SIPA1L2: variants seen among roughly 807,000 people sequenced by gnomAD.
SIPA1L2 encodes signal-induced proliferation-associated 1-like protein 2.
In SIPA1L2, 56 loss-of-function variants were observed where a neutral mutation model predicts 163.9. The observed-to-expected ratio is 0.34, with a 90% CI of 0.28 to 0.43. SIPA1L2 has a LOEUF of 0.43. Among genes scored for constraint, SIPA1L2 ranks in the 20% least tolerant of loss-of-function variants. The probability of loss-of-function intolerance (pLI) is 1.00; values close to 1 mark genes in which losing one functional copy is unlikely to be tolerated. For synonymous variants in SIPA1L2, 877 were observed against 865.7 expected, an observed-to-expected ratio of 1.01 and a Z score of -0.23; for missense variants, 1,974 against 2,193.5, an observed-to-expected ratio of 0.90 and a Z score of 2.00.
rs1558199005 is a variant in SIPA1L2 at position 232,465,533 on chromosome 1, CAT to C, written c.2244-119_2244-118del. On this transcript the variant is annotated intron_variant, in intron 8 of 22. Coordinates refer to ENST00000674635, the MANE Select transcript of SIPA1L2 (RefSeq NM_020808.5). This position sits in a 1 kb window ranked among gnomAD's most constrained non-coding sequence, Gnocchi z 4.1. ...ACATATACATACACACACACACACA[CAT>C]ATACATACACACATACACACACACT... 3.4e-5 allele frequency: 27 copies of C among 799,704 alleles called. No homozygotes were observed. The highest frequency in any genetic ancestry group is 9.0e-5 in the Admixed American group (3 of 33,298). 49.5% of individuals were successfully genotyped at this position (799,704 alleles called of 1,614,324 possible). A position where few individuals can be genotyped will look rare whatever the true frequency, so the allele number is the denominator to read the frequency against.
At chr1:232,425,476 TA>T in intron 18 of SIPA1L2, 112 bp downstream of exon 18, 2 of 761,580 alleles carry the variant, frequency 2.6e-6, no homozygotes, top group Non-Finnish European at 3.8e-6. Flanking sequence ...ATATATTTAA[TA>T]AAAACAAAAA....
intron 2 of SIPA1L2, among the ~76,000 whole-genome samples, chr1:232,528,102 A>ATATATATATATATATATATCTATC (rs34779799): frequency 4.2e-5 from 5 of 118,536 alleles, no homozygotes; most frequent in African/African-American, 1.7e-4. Flanking sequence ...ATATATATAT[A>ATATATATATATATATATATCTATC]ATCAACTTTC....
At chr1:232,467,330 A>G (rs546950615) in intron 8 of SIPA1L2, among the ~76,000 whole-genome samples, 1 of 152,278 alleles carries the variant, frequency 6.6e-6, no homozygotes, top group East Asian at 1.9e-4. Flanking sequence ...TGGGAACTTG[A>G]CTTACGGGCT....
At chr1:232,426,059 C>T (rs970836719) in intron 17 of SIPA1L2, among the ~76,000 whole-genome samples, 1 of 152,188 alleles carries the variant, frequency 6.6e-6, no homozygotes, top group African/African-American at 2.4e-5. Flanking sequence ...TAGACATGCA[C>T]AGCTTTATTA....
intron 2 of SIPA1L2, among the ~76,000 whole-genome samples, chr1:232,532,217 T>A (rs762855687): frequency 6.6e-6 from 1 of 152,114 alleles, no homozygotes; most frequent in Non-Finnish European, 1.5e-5. Flanking sequence ...GGTGGGAGGA[T>A]TGAACTGGCA....
chr1:232,504,462 T>C (rs1470731488), intron 3 of SIPA1L2, among the ~76,000 whole-genome samples: 1 of 149,562 alleles, frequency 6.7e-6, no homozygotes, highest in East Asian at 2.0e-4. Context: ...TGCATGAACC[T>C]GGGAGGTTGA....
At position 232,515,070 on chromosome 1, in the gene SIPA1L2, G is replaced by C. The variant is rs1667161585; in HGVS notation, c.270C>G (p.Ser90=). The part of the protein sequence containing the change: ...VSEWPPKKDC[S]KELTCKALWE... ...ACAGTGCCTTGCATGTTAGCTCCTTGGAACAGTCCTTTTTAGGAGGCCATT... is the reference window on the plus strand; with the variant it reads ...ACAGTGCCTTGCATGTTAGCTCCTTCGAACAGTCCTTTTTAGGAGGCCATT... The change falls in exon 3 of 23, where the codon TCC becomes TCG. Residue 90 remains serine (S), a synonymous_variant. Coordinates refer to ENST00000674635, the MANE Select transcript of SIPA1L2 (RefSeq NM_020808.5). The C allele has an allele frequency of 1.2e-6, 2 of 1,614,092 alleles. No individual in the cohort carries two copies. Among genetic ancestry groups the C allele is most frequent in the African/African-American group, 2.7e-5 (2 of 75,014 alleles).
chr1:232,445,501 C>G (rs1409369), intron 11 of SIPA1L2, 28 bp downstream of exon 11: 447,758 of 1,611,974 alleles, frequency 0.28, 68,194 homozygotes, highest in East Asian at 0.57. Context: ...TACAAGGGCC[C>G]CCCTTGAGGA....
intron 2 of SIPA1L2, among the ~76,000 whole-genome samples, chr1:232,528,170 T>C (rs1318763561): frequency 2.0e-5 from 3 of 150,666 alleles, no homozygotes; most frequent in African/African-American, 7.4e-5. Flanking sequence ...AAAATGTTAG[T>C]ATTAACATAA....
intron 5 of SIPA1L2, among the ~76,000 whole-genome samples, chr1:232,488,016 C>T (rs747164524): frequency 2.6e-5 from 4 of 151,832 alleles, no homozygotes; most frequent in Admixed American, 2.0e-4. Context: ...TGCAGTGGTG[C>T]GATCTTGGCT....
intron 2 of SIPA1L2, among the ~76,000 whole-genome samples, chr1:232,516,305 T>C (rs891896793): frequency 6.6e-6 from 1 of 152,238 alleles, no homozygotes; most frequent in Non-Finnish European, 1.5e-5. Context: ...AGTAGTGAGA[T>C]ACTGGGTAAG....
chr1:232,451,582 G>C (rs147548042), intron 10 of SIPA1L2, among the ~76,000 whole-genome samples: 1 of 152,172 alleles, frequency 6.6e-6, no homozygotes, highest in Middle Eastern at 3.2e-3. Context: ...TTAAAGAAAA[G>C]ACTTTTGCTT....
chr1:232,513,868 A>G lies in SIPA1L2; in HGVS notation c.1472T>C (p.Phe491Ser), dbSNP rs780260699. The G allele has an allele frequency of 6.4e-7, 1 of 1,568,996 alleles. No individual in the cohort carries two copies. The highest frequency in any genetic ancestry group is 2.2e-5 in the East Asian group (1 of 44,536). ...TGGCTCTTCCTTACCTTTCCCATAG[A>G]AGAATTTGCGGTAATAATAGGCCCC... ...DLGAYYYRKF[F>S]YGKEHQNYFG... The change falls in exon 3 of 23, where the codon TTC becomes TCC. Residue 491 changes from phenylalanine to serine, a missense_variant. Phe to Ser is a radical substitution (Grantham distance 155). Transcript: ENST00000674635.
At chr1:232,496,560 C>CAA (rs71162247) in intron 3 of SIPA1L2, among the ~76,000 whole-genome samples, 1,443 of 105,346 alleles carry the variant, frequency 0.014, 31 homozygotes, top group African/African-American at 0.044. Flanking sequence ...CAGAAGCAGG[C>CAA]AAAAAAAAAA....
At position 232,572,766 on chromosome 1, in the gene SIPA1L2, TATATATA is replaced by T. The variant is rs1558277803; in HGVS notation, c.-270+1401_-270+1407del. On this transcript the variant is annotated intron_variant, in intron 2 of 22. Transcript: ENST00000674635. ...ATATATATATATATATATATATATA[TATATATA>T]TATATATTTATTTATTTATTTTTTC... is the stretch of plus-strand genomic sequence containing the variant. Among the ~76,000 whole-genome samples, 60 of 119,674 alleles carry T rather than the reference TATATATA, an allele frequency of 5.0e-4. No homozygotes were observed. In the East Asian group the frequency reaches 0.01, roughly 20 times the overall value. The allele number at this position is 119,674 out of a possible 152,430, so 78.5% of individuals were successfully genotyped here.
chr1:232,400,390 G>T (rs560967384), intron 22 of SIPA1L2, among the ~76,000 whole-genome samples: 1 of 152,130 alleles, frequency 6.6e-6, no homozygotes, highest in South Asian at 2.1e-4. Context: ...CTGCCAAGAA[G>T]ACCTTGTGCA....
intron 2 of SIPA1L2, among the ~76,000 whole-genome samples, chr1:232,524,330 A>G (rs1056158889): frequency 6.6e-6 from 1 of 152,172 alleles, no homozygotes; most frequent in Non-Finnish European, 1.5e-5. Flanking sequence ...GCAAGTTACA[A>G]AAGTCCATGA....
chr1:232,471,730 A>AAGTTTAT (rs1664811655), intron 7 of SIPA1L2, among the ~76,000 whole-genome samples: 1 of 152,162 alleles, frequency 6.6e-6, no homozygotes. Context: ...CTAAATATTT[A>AAGTTTAT]AGTTTATCTC....
rs1665897953 is a variant in SIPA1L2 at position 232,490,940 on chromosome 1, C to T, written c.1740G>A (p.Gln580=). Residue 580 remains glutamine, a synonymous_variant, in exon 5 of 23, where the codon CAG becomes CAA. Coordinates refer to ENST00000674635, the MANE Select transcript of SIPA1L2 (RefSeq NM_020808.5). The part of the protein sequence containing the change: ...LEYVIPELSI[Q]CLRQASNSPK... ...GTGAGTTGGAAGCCTGTCGCAAACACTGAATGCTCAGCTCTGGAATGACGT... is the reference window on the plus strand; with the variant it reads ...GTGAGTTGGAAGCCTGTCGCAAACATTGAATGCTCAGCTCTGGAATGACGT... 2 of 1,614,180 alleles carry T rather than the reference C, an allele frequency of 1.2e-6. No individual in the cohort carries two copies. Among genetic ancestry groups the T allele is most frequent in the African/African-American group, 1.3e-5 (1 of 75,054 alleles).
Sources: gnomAD v4.1 joint callset for allele counts (sites outside exome capture counted in the v4.1 genomes callset) on GRCh38, gnomAD v4.1.1 for gene constraint, Gnocchi (gnomAD v3.1) non-coding constraint, MANE v1.5 for transcripts, NCBI Gene and HGNC (gene_info 2026-07-23, HGNC 2026-07-21) for gene names.